RHOJ: variants seen among roughly 807,000 people sequenced by gnomAD.
RHOJ encodes ras homolog family member J, also known as rho-related GTP-binding protein RhoJ.
In RHOJ, 11 loss-of-function variants were observed where a neutral mutation model predicts 23.4. The observed-to-expected ratio is 0.47, with a 90% CI of 0.30 to 0.78. The LOEUF (loss-of-function observed/expected upper bound fraction) is 0.78. RHOJ is among the 30% of genes least tolerant of loss of function. The pLI is 0.08. For missense variants in RHOJ, 254 were observed against 273.4 expected (o/e 0.93, Z 0.50); for synonymous variants, 102 against 102.7 (o/e 0.99, Z 0.04).
At chr14:63,218,832 G>C (rs941141794) in intron 1 of RHOJ, among the ~76,000 whole-genome samples, 2 of 152,124 alleles carry the variant, frequency 1.3e-5, no homozygotes, top group African/African-American at 4.8e-5. Context: ...TCATCAACTA[G>C]CCTTAAGTAT....
rs181588749 is a variant in RHOJ at position 63,207,100 on chromosome 14, C to T, written c.178+2053C>T. Among the ~76,000 whole-genome samples the T allele has an allele frequency of 2.6e-3, 389 of 150,974 alleles. 3 individuals carry two copies. Among genetic ancestry groups the T allele is most frequent in the Middle Eastern group, 6.8e-3 (2 of 294 alleles). ...AGGCTGGAGTGCAGTGGCATGATCT[C>T]GGCTCACTGCAACTTCCACCTCCTG... On this transcript the variant is annotated intron_variant, in intron 1 of 4. Transcript: ENST00000316754.
chr14:63,221,775 CTGGTGTTG>C (rs1268727715), intron 1 of RHOJ, among the ~76,000 whole-genome samples: 2 of 152,166 alleles, frequency 1.3e-5, no homozygotes, highest in Non-Finnish European at 2.9e-5. Context: ...TGGGCGCAGC[CTGGTGTTG>C]TGGTGGATCT....
intron 1 of RHOJ, among the ~76,000 whole-genome samples, chr14:63,224,375 A>G (rs762854269): frequency 2.0e-5 from 3 of 152,104 alleles, no homozygotes; most frequent in Non-Finnish European, 4.4e-5. Context: ...ATGTACTGTA[A>G]CTCATGCGCA....
intron 2 of RHOJ, among the ~76,000 whole-genome samples, chr14:63,277,966 A>AACACACACACACAC (rs34023824): frequency 0.065 from 9,231 of 141,338 alleles, 396 homozygotes; most frequent in African/African-American, 0.12. Context: ...CAGCTACACA[A>AACACACACACACAC]ACACACACAC....
chr14:63,244,321 C>T lies in RHOJ; in HGVS notation c.179-24789C>T, dbSNP rs574211167. On this transcript the variant is annotated intron_variant, in intron 1 of 4. Transcript: ENST00000316754. ...GTGGCTCATGCATGTAATCCCAGCA[C>T]TTTGGGAGGCTGAGGCAGGCAGATC... 9.2e-5 allele frequency among the ~76,000 whole-genome samples: 14 copies of T among 151,622 alleles called. No individual in the cohort carries two copies. In the East Asian group the frequency reaches 2.1e-3, roughly 23 times the overall value.
rs550591232 is a variant in RHOJ at position 63,227,434 on chromosome 14, G to A, written c.178+22387G>A. On this transcript the variant is annotated intron_variant, in intron 1 of 4. Coordinates refer to ENST00000316754, the MANE Select transcript of RHOJ (RefSeq NM_020663.5). Reference sequence around the variant, plus strand: ...AATGTGAACAAATGGTAATACATACGAATATAACAAAGATCCACTCTTCCC... The same window carrying A: ...AATGTGAACAAATGGTAATACATACAAATATAACAAAGATCCACTCTTCCC... Among the ~76,000 whole-genome samples the A allele has an allele frequency of 1.1e-4, 16 of 152,090 alleles. No homozygotes were observed. The East Asian group carries it at 2.1e-3, about 20-fold the overall frequency.
rs1332285779 is a variant in RHOJ, at chr14:63,291,221, C to T, written c.*197C>T. The T allele has an allele frequency of 1.5e-6, 1 of 650,216 alleles. No homozygotes were observed. The highest frequency in any genetic ancestry group is 2.8e-6 in the Non-Finnish European group (1 of 360,000). The allele number at this position is 650,216 out of a possible 1,614,324, so 40.3% of individuals were successfully genotyped here. On this transcript the variant is annotated 3_prime_UTR_variant, in exon 5 of 5. Transcript: ENST00000316754. Reference sequence around the variant, plus strand: ...CCACGACCTCCCTGCCAGCCAGAAGCATCCGTACTGCACGCTGTCTGAGAA... The same window carrying T: ...CCACGACCTCCCTGCCAGCCAGAAGTATCCGTACTGCACGCTGTCTGAGAA...
intron 1 of RHOJ, among the ~76,000 whole-genome samples, chr14:63,224,504 G>A (rs1192000838): frequency 2.0e-5 from 3 of 152,100 alleles, no homozygotes; most frequent in Non-Finnish European, 4.4e-5. Context: ...CAGAAGAATC[G>A]TTCCTAATCA....
intron 1 of RHOJ, among the ~76,000 whole-genome samples, chr14:63,239,375 G>T (rs1412827399): frequency 3.9e-5 from 6 of 152,096 alleles, no homozygotes; most frequent in Non-Finnish European, 7.3e-5. Flanking sequence ...GCCTCCCAAA[G>T]TGCTAGGATT....
At chr14:63,231,546 C>T (rs920656906) in intron 1 of RHOJ, among the ~76,000 whole-genome samples, 17 of 152,162 alleles carry the variant, frequency 1.1e-4, no homozygotes, top group African/African-American at 2.7e-4. Context: ...CACACATGTA[C>T]GGTGGTCAAA....
chr14:63,274,929 A>G (rs1881670729), intron 2 of RHOJ, among the ~76,000 whole-genome samples: 1 of 152,142 alleles, frequency 6.6e-6, no homozygotes, highest in Non-Finnish European at 1.5e-5. Context: ...ATGTCATTAA[A>G]CCCAAGACTT....
At chr14:63,230,760 C>CAT (rs1894677527) in intron 1 of RHOJ, among the ~76,000 whole-genome samples, 2 of 151,158 alleles carry the variant, frequency 1.3e-5, no homozygotes, top group African/African-American at 4.9e-5. Flanking sequence ...AAAAGGGTGC[C>CAT]ATATCTCTGG....
At chr14:63,231,467 G>A (rs955852672) in intron 1 of RHOJ, among the ~76,000 whole-genome samples, 3 of 152,220 alleles carry the variant, frequency 2.0e-5, no homozygotes, top group Non-Finnish European at 4.4e-5. Context: ...CATGGGCAAA[G>A]AACTAGTCAT....
At chr14:63,249,260 C>T (rs562055745) in intron 1 of RHOJ, among the ~76,000 whole-genome samples, 5 of 152,354 alleles carry the variant, frequency 3.3e-5, no homozygotes, top group Admixed American at 3.3e-4. Flanking sequence ...ACCCTACACA[C>T]ACATGAATCA....
At chr14:63,249,277 A>T (rs917352255) in intron 1 of RHOJ, among the ~76,000 whole-genome samples, 2 of 152,262 alleles carry the variant, frequency 1.3e-5, no homozygotes, top group Non-Finnish European at 2.9e-5. Flanking sequence ...ATCATTTCTG[A>T]TAGATGAGGG....
At chr14:63,272,161 G>A (rs781191173) in intron 2 of RHOJ, among the ~76,000 whole-genome samples, 1 of 152,202 alleles carries the variant, frequency 6.6e-6, no homozygotes, top group African/African-American at 2.4e-5. Context: ...TTAGGAGGAT[G>A]CAATGGAAAA....
chr14:63,284,046 G>A (rs1336682090), intron 4 of RHOJ, among the ~76,000 whole-genome samples: 1 of 152,174 alleles, frequency 6.6e-6, no homozygotes, highest in Admixed American at 6.5e-5. Flanking sequence ...CCAGGTCAGA[G>A]GTTTGGAAAT....
chr14:63,224,813 C>T (rs1447858415), intron 1 of RHOJ, among the ~76,000 whole-genome samples: 2 of 152,346 alleles, frequency 1.3e-5, no homozygotes, highest in African/African-American at 4.8e-5. Flanking sequence ...TTATCCCACA[C>T]TCCCAGTTTG....
chr14:63,223,163 C>G (rs1894529916), intron 1 of RHOJ, among the ~76,000 whole-genome samples: 1 of 152,168 alleles, frequency 6.6e-6, no homozygotes, highest in Admixed American at 6.5e-5. Flanking sequence ...GGCACTTTCT[C>G]CAAGTTTTAT....
Sources: gnomAD v4.1 joint callset for allele counts (sites outside exome capture counted in the v4.1 genomes callset) on GRCh38, gnomAD v4.1.1 for gene constraint, MANE v1.5 for transcripts, NCBI Gene and HGNC (gene_info 2026-07-23, HGNC 2026-07-21) for gene names.